SORCS3: variants seen among roughly 807,000 people sequenced by gnomAD.
SORCS3 encodes the protein sortilin related VPS10 domain containing receptor 3, also known as VPS10 domain-containing receptor SorCS3.
SORCS3 carries 57 observed loss-of-function variants against 146.3 expected under a neutral mutation model. That is an observed-to-expected ratio of 0.39 (90% confidence interval 0.31 to 0.49). SORCS3 has a LOEUF of 0.49. Among genes scored for constraint, SORCS3 ranks in the 20% least tolerant of loss-of-function variants. The pLI is 0.92. For missense variants in SORCS3, 1,341 were observed against 1,575.5 expected, an observed-to-expected ratio of 0.85 and a Z score of 2.52; for synonymous variants, 653 against 618.5, an observed-to-expected ratio of 1.06 and a Z score of -0.83.
Position 105,214,448 on chromosome 10 carries a change from G to A in SORCS3, c.2382G>A (p.Arg794=). The A allele has an allele frequency of 6.2e-7, 1 of 1,614,030 alleles. No homozygotes were observed. Among genetic ancestry groups the A allele is most frequent in the Non-Finnish European group, 8.5e-7 (1 of 1,179,996 alleles). ...GQSYLNSTGY[R]RIVSNNCTDG... ...AATTGTCAATTCTACTTAGGTATCGGCGGATTGTGTCCAACAACTGCACAG... is the reference window on the plus strand; with the variant it reads ...AATTGTCAATTCTACTTAGGTATCGACGGATTGTGTCCAACAACTGCACAG... The change falls in exon 18 of 27, where the codon CGG becomes CGA. Residue 794 remains arginine (R), a synonymous_variant. Coordinates refer to ENST00000369701, the MANE Select transcript of SORCS3 (RefSeq NM_014978.3).
intron 1 of SORCS3, among the ~76,000 whole-genome samples, chr10:104,713,019 G>T (rs1379831895): frequency 6.6e-6 from 1 of 152,050 alleles, no homozygotes; most frequent in African/African-American, 2.4e-5. Flanking sequence ...TAACTGGGCA[G>T]GTTTTATTTA....
chr10:104,747,813 A>C (rs1485274653), intron 1 of SORCS3, among the ~76,000 whole-genome samples: 1 of 152,220 alleles, frequency 6.6e-6, no homozygotes, highest in Non-Finnish European at 1.5e-5. Context: ...CTGCCTTAGC[A>C]CTTCCACACT....
intron 1 of SORCS3, among the ~76,000 whole-genome samples, chr10:104,788,726 A>G (rs554640466): frequency 1.3e-5 from 2 of 152,348 alleles, no homozygotes; most frequent in South Asian, 2.1e-4. Context: ...TTTTGGAAAG[A>G]TGAGCAAATT....
rs2055797220 is a variant in SORCS3, at chr10:105,103,076, A to T, written c.1094-2321A>T. 3.9e-5 allele frequency among the ~76,000 whole-genome samples: 6 copies of T among 152,044 alleles called. 1 individual carries two copies. In the South Asian group the frequency reaches 1.2e-3, roughly 31 times the overall value. The stretch of plus-strand genomic sequence containing the variant: ...AGCTCTCAATTATAAAAATAAGGAA[A>T]TTTAACATTTAAAAAATAGAGGCAT... On this transcript the variant is annotated intron_variant, in intron 6 of 26. Transcript: ENST00000369701.
At chr10:104,874,405 T>C (rs749050985) in intron 2 of SORCS3, among the ~76,000 whole-genome samples, 3 of 152,208 alleles carry the variant, frequency 2.0e-5, no homozygotes, top group Non-Finnish European at 4.4e-5. Flanking sequence ...GAGCTATTCT[T>C]ACTGTTATAA....
chr10:104,682,422 A>G (rs774292722), intron 1 of SORCS3, among the ~76,000 whole-genome samples: 4 of 152,194 alleles, frequency 2.6e-5, no homozygotes, highest in Non-Finnish European at 5.9e-5. Flanking sequence ...AAAAGGGGTT[A>G]ATGATGTAAC....
At chr10:104,861,617 G>T (rs2018404213) in intron 2 of SORCS3, among the ~76,000 whole-genome samples, 1 of 152,160 alleles carries the variant, frequency 6.6e-6, no homozygotes, top group African/African-American at 2.4e-5. Context: ...CTTCTTTGGT[G>T]CTTGCCCCGG....
intron 22 of SORCS3, among the ~76,000 whole-genome samples, chr10:105,251,835 C>G (rs1206588625): frequency 6.6e-6 from 1 of 152,124 alleles, no homozygotes; most frequent in Non-Finnish European, 1.5e-5. Context: ...TAGAAAAATT[C>G]ACTCGTATTC....
intron 1 of SORCS3, among the ~76,000 whole-genome samples, chr10:104,821,675 T>C (rs1045509083): frequency 2.6e-5 from 4 of 152,208 alleles, no homozygotes; most frequent in African/African-American, 9.7e-5. Context: ...TGCAAAGCCA[T>C]TTCTCCTGAC....
chr10:105,010,129 T>G (rs1173745206), intron 4 of SORCS3, among the ~76,000 whole-genome samples: 2 of 152,190 alleles, frequency 1.3e-5, no homozygotes. Flanking sequence ...CTCTTTCCCA[T>G]GCACCTTGAC....
At chr10:105,119,929 G>T (rs1264817046) in intron 7 of SORCS3, among the ~76,000 whole-genome samples, 1 of 152,116 alleles carries the variant, frequency 6.6e-6, no homozygotes, top group African/African-American at 2.4e-5. Flanking sequence ...TAAAACTTTG[G>T]GGAACTTTTG....
At chr10:104,894,921 C>T (rs770939253) in intron 2 of SORCS3, among the ~76,000 whole-genome samples, 3 of 152,150 alleles carry the variant, frequency 2.0e-5, no homozygotes, top group Non-Finnish European at 4.4e-5. Flanking sequence ...GGGACAGGCA[C>T]TCATGGGAGA....
intron 1 of SORCS3, among the ~76,000 whole-genome samples, chr10:104,780,137 G>GGT (rs151068490): frequency 6.9e-6 from 1 of 145,410 alleles, no homozygotes; most frequent in Non-Finnish European, 1.5e-5. Context: ...AGAGGAGGCA[G>GGT]TTTTTTTTTT....
chr10:104,642,403 C>T (rs1418586426), intron 1 of SORCS3, among the ~76,000 whole-genome samples: 2 of 145,866 alleles, frequency 1.4e-5, no homozygotes, highest in Admixed American at 6.8e-5. Flanking sequence ...CCCCCCCTCC[C>T]GTCACGCGAA....
chr10:105,104,425 T>C (rs971389722), intron 6 of SORCS3, among the ~76,000 whole-genome samples: 2 of 152,172 alleles, frequency 1.3e-5, no homozygotes, highest in Non-Finnish European at 2.9e-5. Flanking sequence ...CTTCTAGTCA[T>C]AATCAGAAAG....
At chr10:104,946,022 T>C (rs957734167) in intron 3 of SORCS3, among the ~76,000 whole-genome samples, 1 of 152,116 alleles carries the variant, frequency 6.6e-6, no homozygotes, top group Admixed American at 6.6e-5. Context: ...TTTGGTTGAG[T>C]TCTGGAAATG....
rs771249731 is a variant in SORCS3, at chr10:105,200,120, C to T, written c.2127+4C>T. ...GACCTGGCACCTGCTCAATCAGGTA[C>T]ACACCCCAGGGAGTTGGAGTGCTGG... On this transcript the variant is annotated splice_donor_region_variant and intron_variant, in intron 15 of 26. Coordinates refer to ENST00000369701, the MANE Select transcript of SORCS3 (RefSeq NM_014978.3). 1.9e-6 allele frequency: 3 copies of T among 1,608,572 alleles called. No homozygotes were observed. The highest frequency in any genetic ancestry group is 1.7e-6 in the Non-Finnish European group (2 of 1,175,268).
rs117857488 is a variant in SORCS3, at chr10:105,026,350, C to T, written c.955-16705C>T. 7.9e-5 allele frequency among the ~76,000 whole-genome samples: 12 copies of T among 152,310 alleles called. No individual in the cohort carries two copies. In the East Asian group the frequency reaches 1.9e-3, roughly 25 times the overall value. On this transcript the variant is annotated intron_variant, in intron 4 of 26. Coordinates refer to ENST00000369701, the MANE Select transcript of SORCS3 (RefSeq NM_014978.3). ...CCACTTTCTGCTCCACAGAGTTGCC[C>T]GTGATCTTTACAGGTCACTAAATCA...
intron 14 of SORCS3, among the ~76,000 whole-genome samples, chr10:105,192,989 G>T (rs1289703576): frequency 6.6e-6 from 1 of 152,110 alleles, no homozygotes; most frequent in African/African-American, 2.4e-5. Context: ...CTAAATTATA[G>T]CAATTATATA....
Sources: gnomAD v4.1 joint callset for allele counts (sites outside exome capture counted in the v4.1 genomes callset) on GRCh38, gnomAD v4.1.1 for gene constraint, MANE v1.5 for transcripts, NCBI Gene and HGNC (gene_info 2026-07-23, HGNC 2026-07-21) for gene names.